LRCH3: variants seen among roughly 807,000 people sequenced by gnomAD.
LRCH3 encodes leucine rich repeats and calponin homology domain containing 3, also known as DISP complex protein LRCH3.
LRCH3 carries 68 observed loss-of-function variants against 104.5 expected under a neutral mutation model. That is an observed-to-expected ratio of 0.65 (90% CI 0.54 to 0.80). LRCH3 has a LOEUF of 0.80. Ranked by LOEUF, LRCH3 falls within the 30% of genes least tolerant of loss-of-function variation. The probability of loss-of-function intolerance (pLI) is 0.00; values close to 1 mark genes in which losing one functional copy is unlikely to be tolerated. For missense variants in LRCH3, 951 were observed against 953.9 expected (o/e 1.00, Z 0.04); for synonymous variants, 344 against 361.3 (o/e 0.95, Z 0.54).
rs180861002 is a variant in LRCH3, at chr3:197,882,145, C to T, written c.2209-1396C>T. On this transcript the variant is annotated intron_variant, in intron 20 of 20. Transcript: ENST00000425562. ...AGAACACACGGCACTCCCTCTAGTC[C>T]AGCTGGGAGGTGAGGGTGCCCCAGA... is the stretch of plus-strand genomic sequence containing the variant. 3.1e-5 allele frequency: 31 copies of T among 985,388 alleles called. No homozygotes were observed. The African/African-American group carries it at 4.5e-4, about 14-fold the overall frequency. The allele number at this position is 985,388 out of a possible 1,614,324, so 61.0% of individuals were successfully genotyped here.
chr3:197,874,504 A>AT (rs1712628815), intron 19 of LRCH3, among the ~76,000 whole-genome samples: 1 of 152,178 alleles, frequency 6.6e-6, no homozygotes, highest in Admixed American at 6.5e-5. Context: ...GGTAGATTTC[A>AT]TTATGTATGA....
chr3:197,839,267 C>A, intron 9 of LRCH3, 54 bp from the exon 10 acceptor site: 1 of 1,139,338 alleles, frequency 8.8e-7, no homozygotes, highest in Non-Finnish European at 1.3e-6. Context: ...ACTGTGTAAT[C>A]GCAGTGTTCT....
chr3:197,870,395 T>A, intron 18 of LRCH3, 117 bp downstream of exon 18: 3 of 969,656 alleles, frequency 3.1e-6, no homozygotes, highest in Non-Finnish European at 4.4e-6. Context: ...AGACGGAGTC[T>A]CACTCTGTCA....
At chr3:197,794,966 C>T (rs576395803) in intron 1 of LRCH3, among the ~76,000 whole-genome samples, 27 of 151,744 alleles carry the variant, frequency 1.8e-4, no homozygotes, top group Admixed American at 1.7e-3. Context: ...GATTGTGCCA[C>T]TGCACTCCAG....
At chr3:197,821,510 C>T (rs1010608637) in intron 4 of LRCH3, among the ~76,000 whole-genome samples, 1 of 152,318 alleles carries the variant, frequency 6.6e-6, no homozygotes. Context: ...CTTGTCTCAA[C>T]TGTGCTCTCA....
Position 197,870,034 on chromosome 3 carries a change from GC to G in LRCH3, c.1874-125del, listed in dbSNP as rs372930585. ...GTACCTGCAGGAGGTAGAAAGCGAT[GC>G]ACTGTACCTGCAGGAGGTAGAAAGC... On this transcript the variant is annotated intron_variant, in intron 17 of 20. Transcript: ENST00000425562. The G allele has an allele frequency of 5.9e-3, 5,300 of 896,004 alleles. 42 individuals are homozygous for G. The highest frequency in any genetic ancestry group is 7.5e-3 in the Non-Finnish European group (4,337 of 575,476). 55.5% of individuals were successfully genotyped at this position (896,004 alleles called of 1,614,324 possible).
intron 1 of LRCH3, among the ~76,000 whole-genome samples, chr3:197,792,577 T>TTATTTATATATATATATATATATATATA (rs1352243221): frequency 1.5e-4 from 3 of 20,330 alleles, no homozygotes; most frequent in African/African-American, 3.5e-4. Flanking sequence ...CCAGCTAATT[T>TTATTTATATATATATATATATATATATA]TATATATATA....
In LRCH3 at chr3:197,883,060, G is replaced by A. The variant is rs1420634558; in HGVS notation, c.2209-481G>A. ...TCAGGATTATAATGCAGATAGCGTA[G>A]AACTCATGCAGGCTGAGTTATGTTT... On this transcript the variant is annotated intron_variant, in intron 20 of 20. Transcript: ENST00000425562. The surrounding 1 kb of genome is among the most constrained non-coding windows in gnomAD (Gnocchi z 4.2). The A allele has an allele frequency of 1.6e-5, 16 of 985,782 alleles. No homozygotes were observed. In the South Asian group the frequency reaches 7.0e-4, roughly 43 times the overall value. 61.1% of individuals were successfully genotyped at this position (985,782 alleles called of 1,614,324 possible).
intron 4 of LRCH3, among the ~76,000 whole-genome samples, chr3:197,825,382 T>A (rs1156509780): frequency 8.0e-5 from 12 of 149,378 alleles, no homozygotes; most frequent in Admixed American, 8.0e-4. Flanking sequence ...TTTTAAATAA[T>A]TTTCTTTCTT....
chr3:197,839,209 AAAT>A, intron 9 of LRCH3, 109 bp from the exon 10 acceptor site: 1 of 681,474 alleles, frequency 1.5e-6, no homozygotes, highest in East Asian at 3.2e-5. Flanking sequence ...GAGTCTATTA[AAAT>A]GTTTTTTAGT....
chr3:197,870,679 G>A (rs550618603), intron 18 of LRCH3, among the ~76,000 whole-genome samples: 6 of 151,548 alleles, frequency 4.0e-5, no homozygotes, highest in Admixed American at 3.9e-4. Context: ...ATTTTTAACA[G>A]ATTAGTGCTG....
intron 19 of LRCH3, among the ~76,000 whole-genome samples, chr3:197,874,498 G>C (rs1235705388): frequency 1.3e-5 from 2 of 152,114 alleles, no homozygotes; most frequent in South Asian, 2.1e-4. Context: ...CATTACGGTA[G>C]ATTTCATTAT....
intron 9 of LRCH3, among the ~76,000 whole-genome samples, chr3:197,838,233 C>T (rs916103045): frequency 7.2e-5 from 11 of 152,178 alleles, no homozygotes; most frequent in Non-Finnish European, 1.2e-4. Flanking sequence ...CGGCCTGGGC[C>T]ACATAGCGAC....
Position 197,888,176 on chromosome 3 carries a change from G to C in LRCH3, c.*4510G>C, listed in dbSNP as rs890906697. ...TAAATGGTTATAGAAATGAAAACAT[G>C]GATATTTAGAAGCCTTTCTATATAC... On this transcript the variant is annotated 3_prime_UTR_variant, in exon 21 of 21. Coordinates refer to ENST00000425562, the MANE Select transcript of LRCH3 (RefSeq NM_001365715.1). 6.6e-6 allele frequency: 1 copy of C among 152,140 alleles called. No individual in the cohort carries two copies. Among genetic ancestry groups the C allele is most frequent in the African/African-American group, 2.4e-5 (1 of 41,418 alleles). The allele number at this position is 152,140 out of a possible 1,614,324, so 9.4% of individuals were successfully genotyped here. A position where few individuals can be genotyped will look rare whatever the true frequency, so the allele number is the denominator to read the frequency against.
At chr3:197,866,908 G>C (rs1490311426) in intron 17 of LRCH3, among the ~76,000 whole-genome samples, 2 of 152,208 alleles carry the variant, frequency 1.3e-5, no homozygotes, top group South Asian at 2.1e-4. Flanking sequence ...GGGAGGCCAA[G>C]GCAGGCAGAT....
In LRCH3 at chr3:197,836,123, T is replaced by C. The variant is rs550374486; in HGVS notation, c.1251+301T>C. On this transcript the variant is annotated intron_variant, in intron 9 of 20. Coordinates refer to ENST00000425562, the MANE Select transcript of LRCH3 (RefSeq NM_001365715.1). ...GAAAGTACAAAGAAAAATACAGTGATGCTTTTCATTGTTGTTTTTATTGCT... is the reference window on the plus strand; with the variant it reads ...GAAAGTACAAAGAAAAATACAGTGACGCTTTTCATTGTTGTTTTTATTGCT... 3.3e-5 allele frequency among the ~76,000 whole-genome samples: 5 copies of C among 152,344 alleles called. No homozygotes were observed. In the East Asian group the frequency reaches 7.7e-4, roughly 23 times the overall value.
intron 17 of LRCH3, among the ~76,000 whole-genome samples, chr3:197,867,992 C>G (rs1711549951): frequency 6.6e-6 from 1 of 152,122 alleles, no homozygotes; most frequent in South Asian, 2.1e-4. Context: ...CGATTGCACT[C>G]CAGCTTGGGT....
chr3:197,814,228 G>A (rs1213273201), intron 1 of LRCH3, among the ~76,000 whole-genome samples: 3 of 152,134 alleles, frequency 2.0e-5, no homozygotes, highest in African/African-American at 4.8e-5. Context: ...ACACGGCAGC[G>A]GCAGGAGAAA....
intron 20 of LRCH3, chr3:197,880,852 CTT>C: frequency 6.9e-7 from 1 of 1,454,170 alleles, no homozygotes; most frequent in East Asian, 2.5e-5. Flanking sequence ...GAGGTAAATC[CTT>C]TCTTTATATT....
Sources: allele counts gnomAD v4.1 joint callset (sites outside exome capture counted in the v4.1 genomes callset), GRCh38; gene constraint gnomAD v4.1.1; non-coding constraint Gnocchi (gnomAD v3.1); transcripts MANE v1.5; gene names NCBI Gene and HGNC (gene_info 2026-07-23, HGNC 2026-07-21).